SGCZ: variants seen among roughly 807,000 people sequenced by gnomAD.
SGCZ encodes zeta-sarcoglycan.
A neutral mutation model predicts 41.3 loss-of-function variants in SGCZ; 40 were observed. That is an observed-to-expected ratio of 0.97 (90% CI 0.75 to 1.26). The LOEUF is 1.26. Among genes scored for constraint, SGCZ ranks in the 50% most tolerant of loss-of-function variants. The pLI, the probability that SGCZ is intolerant of heterozygous loss-of-function variation, is 0.00. For missense variants in SGCZ, 552 were observed against 369.8 expected (o/e 1.49, Z -4.04); for synonymous variants, 206 against 137.5 (o/e 1.50, Z -3.49).
intron 2 of SGCZ, among the ~76,000 whole-genome samples, chr8:14,503,214 C>T (rs369064370): frequency 3.7e-4 from 57 of 152,158 alleles, no homozygotes; most frequent in African/African-American, 1.3e-3. Context: ...CCAAACACTG[C>T]ATGTTCTCAC....
At chr8:15,169,671 C>G (rs268399) in intron 1 of SGCZ, among the ~76,000 whole-genome samples, 131,560 of 152,154 alleles carry the variant, frequency 0.86, 56,907 homozygotes, top group East Asian at 0.9. Flanking sequence ...ATCAGCTTTT[C>G]TTGAGGGCTT....
At chr8:14,969,427 G>C (rs1168346849) in intron 1 of SGCZ, among the ~76,000 whole-genome samples, 1 of 151,832 alleles carries the variant, frequency 6.6e-6, no homozygotes, top group African/African-American at 2.4e-5. Context: ...GGAAAGCTTC[G>C]ACATATCTAT....
chr8:15,234,062 C>G (rs560401300), intron 1 of SGCZ, among the ~76,000 whole-genome samples: 1 of 152,242 alleles, frequency 6.6e-6, no homozygotes, highest in South Asian at 2.1e-4. Context: ...AAGTCATAGA[C>G]TTTATTATAA....
intron 1 of SGCZ, among the ~76,000 whole-genome samples, chr8:15,040,076 A>C (rs1220506524): frequency 6.6e-6 from 1 of 152,246 alleles, no homozygotes; most frequent in Non-Finnish European, 1.5e-5. Context: ...GGATTTCTCT[A>C]TTCAAGCTCA....
At chr8:15,186,973 G>T (rs1800368244) in intron 1 of SGCZ, among the ~76,000 whole-genome samples, 1 of 152,054 alleles carries the variant, frequency 6.6e-6, no homozygotes, top group African/African-American at 2.4e-5. Flanking sequence ...TCAGTTGAGA[G>T]GAGACCTTTC....
At chr8:15,023,291 C>T (rs1280610291) in intron 1 of SGCZ, among the ~76,000 whole-genome samples, 1 of 152,146 alleles carries the variant, frequency 6.6e-6, no homozygotes, top group Non-Finnish European at 1.5e-5. Context: ...CCCCAGCAGC[C>T]TGCTGGTTTG....
At chr8:14,102,058 C>A (rs1304055668) in intron 7 of SGCZ, among the ~76,000 whole-genome samples, 1 of 146,538 alleles carries the variant, frequency 6.8e-6, no homozygotes, top group Non-Finnish European at 1.5e-5. Context: ...AGGTGCCTGC[C>A]ACTATGCTTG....
At position 14,271,640 on chromosome 8, in the gene SGCZ, G is replaced by A. The variant is rs78061617; in HGVS notation, c.337-33961C>T. 3.0e-4 allele frequency among the ~76,000 whole-genome samples: 45 copies of A among 152,194 alleles called. 1 individual carries two copies. The East Asian group carries it at 7.9e-3, about 27-fold the overall frequency. On this transcript the variant is annotated intron_variant, in intron 3 of 7. Coordinates refer to ENST00000382080, the MANE Select transcript of SGCZ (RefSeq NM_139167.4). Reference sequence around the variant, plus strand: ...TATATGCTTGTCCAATATATAGAAAGATTTTTTTCCTGGTTTTCTGCTGGA... The same window carrying A: ...TATATGCTTGTCCAATATATAGAAAAATTTTTTTCCTGGTTTTCTGCTGGA...
rs148666067 is a variant in SGCZ, at chr8:14,709,649, T to C, written c.40-154723A>G. On this transcript the variant is annotated intron_variant, in intron 1 of 7. Coordinates refer to ENST00000382080, the MANE Select transcript of SGCZ (RefSeq NM_139167.4). ...ATTAAATTCAAAATAATACAGCAAATAATTTCATTAATCGAGGCCCAAATT... is the reference window on the plus strand; with the variant it reads ...ATTAAATTCAAAATAATACAGCAAACAATTTCATTAATCGAGGCCCAAATT... Among the ~76,000 whole-genome samples the C allele has an allele frequency of 2.1e-3, 320 of 151,582 alleles. 2 individuals are homozygous for C. Among genetic ancestry groups the C allele is most frequent in the South Asian group, 9.6e-3 (46 of 4,790 alleles).
chr8:14,721,562 A>G (rs139479508), intron 1 of SGCZ, among the ~76,000 whole-genome samples: 60 of 152,316 alleles, frequency 3.9e-4, no homozygotes, highest in African/African-American at 1.3e-3. Context: ...AAGTATACAC[A>G]GAATCCGTCT....
intron 2 of SGCZ, among the ~76,000 whole-genome samples, chr8:14,472,413 G>A (rs1423600696): frequency 2.6e-5 from 4 of 152,036 alleles, no homozygotes; most frequent in Admixed American, 6.6e-5. Flanking sequence ...CATTGTCTTT[G>A]AGTCTGAATA....
chr8:14,164,731 A>C, intron 4 of SGCZ, 29 bp from the exon 5 acceptor site: 1 of 1,610,154 alleles, frequency 6.2e-7, no homozygotes, highest in Non-Finnish European at 8.5e-7. Context: ...TTTAAAAATG[A>C]AACTGGTATG....
chr8:14,382,942 G>C (rs1804424419), intron 2 of SGCZ, among the ~76,000 whole-genome samples: 1 of 152,114 alleles, frequency 6.6e-6, no homozygotes, highest in Admixed American at 6.5e-5. Context: ...TCTTCTCTTA[G>C]AATCACTTCT....
At chr8:14,452,596 G>A (rs1017552813) in intron 2 of SGCZ, among the ~76,000 whole-genome samples, 3 of 151,966 alleles carry the variant, frequency 2.0e-5, no homozygotes, top group African/African-American at 7.3e-5. Context: ...TAAACACAAA[G>A]ATTTTATTTT....
chr8:14,288,203 A>C (rs1800707339), intron 3 of SGCZ, among the ~76,000 whole-genome samples: 1 of 152,114 alleles, frequency 6.6e-6, no homozygotes, highest in African/African-American at 2.4e-5. Flanking sequence ...TCAGTGTATT[A>C]TAAAATTTAA....
intron 1 of SGCZ, among the ~76,000 whole-genome samples, chr8:14,921,597 C>T (rs1013503044): frequency 6.6e-6 from 1 of 150,982 alleles, no homozygotes; most frequent in African/African-American, 2.4e-5. Context: ...AGAAAAACAA[C>T]TCCAATCAGC....
intron 2 of SGCZ, among the ~76,000 whole-genome samples, chr8:14,549,600 C>A (rs1803738300): frequency 6.6e-6 from 1 of 152,058 alleles, no homozygotes; most frequent in Non-Finnish European, 1.5e-5. Context: ...ACAGCTTCTG[C>A]TCCTTAGGGA....
chr8:14,953,968 G>A (rs527497985), intron 1 of SGCZ, among the ~76,000 whole-genome samples: 88 of 152,200 alleles, frequency 5.8e-4, no homozygotes, highest in Non-Finnish European at 1.1e-3. Flanking sequence ...TTACTGATAA[G>A]TTTAGTTAAG....
intron 1 of SGCZ, among the ~76,000 whole-genome samples, chr8:14,949,402 A>G (rs1800557694): frequency 6.6e-6 from 1 of 152,268 alleles, no homozygotes; most frequent in South Asian, 2.1e-4. Context: ...TATTCCTTTA[A>G]AAAGAAAAAC....
Sources: allele counts gnomAD v4.1 joint callset (sites outside exome capture counted in the v4.1 genomes callset), GRCh38; gene constraint gnomAD v4.1.1; transcripts MANE v1.5; gene names NCBI Gene and HGNC (gene_info 2026-07-23, HGNC 2026-07-21).